The following SNTG1 variants were observed in gnomAD, a reference collection of about 807,000 sequenced individuals.
The protein encoded by SNTG1 is gamma-1-syntrophin.
Under a neutral mutation model 74.7 loss-of-function variants are expected in SNTG1, and 39 were observed. The observed-to-expected ratio is 0.52, with a 90% CI of 0.40 to 0.68. The LOEUF (loss-of-function observed/expected upper bound fraction) is 0.68. Among genes scored for constraint, SNTG1 ranks in the 30% least tolerant of loss-of-function variants. The pLI is 0.00. For missense variants in SNTG1, 685 were observed against 609.5 expected, an observed-to-expected ratio of 1.12 and a Z score of -1.30; for synonymous variants, 254 against 217.1, an observed-to-expected ratio of 1.17 and a Z score of -1.49.
At chr8:50,379,342 C>T (rs972110492) in intron 2 of SNTG1, among the ~76,000 whole-genome samples, 1 of 152,130 alleles carries the variant, frequency 6.6e-6, no homozygotes, top group Admixed American at 6.5e-5. Flanking sequence ...CCTTCATGGG[C>T]CCCCAGAGAT....
chr8:50,480,568 T>C (rs142886825), intron 8 of SNTG1, among the ~76,000 whole-genome samples: 3 of 152,306 alleles, frequency 2.0e-5, no homozygotes, highest in South Asian at 2.1e-4. Flanking sequence ...TAACTAGTGC[T>C]GAAATAATTA....
intron 2 of SNTG1, among the ~76,000 whole-genome samples, chr8:50,391,233 G>T (rs569256328): frequency 6.6e-6 from 1 of 152,098 alleles, no homozygotes; most frequent in South Asian, 2.1e-4. Flanking sequence ...TTATTATTTT[G>T]AGATATGTCC....
Position 50,792,813 on chromosome 8 carries a change from C to T in SNTG1, c.1538C>T (p.Ala513Val). ...TAASSATTSK[A>V]KYTT ...GCCAGCTCTGCTACCACGAGCAAAGCAAAGTATACAACTTGACATACTGAA... is the reference window on the plus strand; with the variant it reads ...GCCAGCTCTGCTACCACGAGCAAAGTAAAGTATACAACTTGACATACTGAA... Residue 513 changes from alanine (A) to valine (V), a missense_variant, in exon 19 of 19, where the codon GCA becomes GTA. Physicochemically the swap from Ala to Val is moderately conservative, Grantham distance 64. Transcript: ENST00000642720. The T allele has an allele frequency of 6.2e-7, 1 of 1,611,838 alleles. No individual in the cohort carries two copies.
At chr8:50,295,143 C>A (rs2089303811) in intron 2 of SNTG1, among the ~76,000 whole-genome samples, 2 of 152,100 alleles carry the variant, frequency 1.3e-5, no homozygotes, top group African/African-American at 4.8e-5. Flanking sequence ...AGGGAAGAAA[C>A]AAAGAAATTA....
intron 18 of SNTG1, among the ~76,000 whole-genome samples, chr8:50,782,655 C>T (rs182185510): frequency 0.08 from 12,097 of 152,124 alleles, 532 homozygotes; most frequent in Non-Finnish European, 0.098. Context: ...TTTGAATTTC[C>T]TCCTTTAGCT....
intron 1 of SNTG1, among the ~76,000 whole-genome samples, chr8:50,165,802 T>A (rs1407716354): frequency 6.6e-6 from 1 of 152,162 alleles, no homozygotes; most frequent in Non-Finnish European, 1.5e-5. Context: ...TAGTTGAACC[T>A]AAAGTCGCAT....
chr8:50,455,846 C>T (rs2093500163), intron 8 of SNTG1, among the ~76,000 whole-genome samples: 1 of 152,262 alleles, frequency 6.6e-6, no homozygotes, highest in Admixed American at 6.5e-5. Flanking sequence ...TACCTAACTG[C>T]TAACGATTAC....
At chr8:50,041,822 G>A (rs1818667553) in intron 1 of SNTG1, among the ~76,000 whole-genome samples, 3 of 152,124 alleles carry the variant, frequency 2.0e-5, no homozygotes, top group Admixed American at 6.6e-5. Context: ...TTGTTCAAGA[G>A]CAAAGGAAAA....
At position 50,125,052 on chromosome 8, in the gene SNTG1, A is replaced by G. The variant is rs1305763078; in HGVS notation, c.-102-47509A>G. On this transcript the variant is annotated intron_variant, in intron 1 of 18. Transcript: ENST00000642720. ...TGAAAGCACTGAGATTTCTGCCATC[A>G]CTATACAAGAGTCCAGCTGCTGATT... Among the ~76,000 whole-genome samples the G allele has an allele frequency of 1.4e-5, 2 of 142,046 alleles. 1 individual carries two copies. The allele number at this position is 142,046 out of a possible 152,430, so 93.2% of individuals were successfully genotyped here. A position where few individuals can be genotyped will look rare whatever the true frequency, so the allele number is the denominator to read the frequency against.
chr8:50,615,235 C>T (rs546912748), intron 13 of SNTG1, among the ~76,000 whole-genome samples: 8 of 152,092 alleles, frequency 5.3e-5, no homozygotes, highest in South Asian at 2.1e-4. Flanking sequence ...GCTGGGATTA[C>T]AGGCATGAGC....
At chr8:50,197,967 T>G (rs1296056664) in intron 2 of SNTG1, among the ~76,000 whole-genome samples, 2 of 152,214 alleles carry the variant, frequency 1.3e-5, no homozygotes, top group African/African-American at 4.8e-5. Context: ...CAATTGTCAC[T>G]TATAAATTGA....
chr8:50,512,012 G>A (rs185267308), intron 9 of SNTG1, among the ~76,000 whole-genome samples: 7 of 151,986 alleles, frequency 4.6e-5, no homozygotes, highest in Non-Finnish European at 8.8e-5. Flanking sequence ...TCCTAGCCTC[G>A]ATGGTCTTTA....
chr8:50,226,756 T>C (rs2085349464), intron 2 of SNTG1, among the ~76,000 whole-genome samples: 1 of 152,186 alleles, frequency 6.6e-6, no homozygotes, highest in South Asian at 2.1e-4. Context: ...CTCTGAAATA[T>C]ATGAAACCAA....
At chr8:49,981,752 TCCTC>T (rs1812698650) in intron 1 of SNTG1, among the ~76,000 whole-genome samples, 1 of 152,042 alleles carries the variant, frequency 6.6e-6, no homozygotes, top group South Asian at 2.1e-4. Context: ...ATTTTCCTGT[TCCTC>T]CCCAAAGGCA....
chr8:50,043,451 A>C (rs149443206), intron 1 of SNTG1, among the ~76,000 whole-genome samples: 1 of 152,352 alleles, frequency 6.6e-6, no homozygotes, highest in African/African-American at 2.4e-5. Context: ...AACCATTTAC[A>C]TGACCTTTCA....
intron 1 of SNTG1, among the ~76,000 whole-genome samples, chr8:49,941,727 A>C (rs1334467957): frequency 1.3e-5 from 2 of 151,970 alleles, no homozygotes; most frequent in Non-Finnish European, 2.9e-5. Context: ...AGATGTCCTG[A>C]ACTCTGGGAT....
At chr8:50,537,414 G>T (rs902929148) in intron 11 of SNTG1, among the ~76,000 whole-genome samples, 2 of 152,066 alleles carry the variant, frequency 1.3e-5, no homozygotes, top group Admixed American at 1.3e-4. Flanking sequence ...TAAATTATAA[G>T]ATTTATTTTC....
chr8:50,789,694 A>G (rs2095685793), intron 18 of SNTG1, among the ~76,000 whole-genome samples: 1 of 151,968 alleles, frequency 6.6e-6, no homozygotes, highest in Non-Finnish European at 1.5e-5. Flanking sequence ...CTTTCCATAT[A>G]GAAAACTTTG....
intron 2 of SNTG1, among the ~76,000 whole-genome samples, chr8:50,218,886 A>G (rs908893409): frequency 2.0e-5 from 3 of 152,230 alleles, no homozygotes; most frequent in African/African-American, 7.2e-5. Flanking sequence ...CAGGCACTGA[A>G]GCCACAGAGC....
Sources: gnomAD v4.1 joint callset for allele counts (sites outside exome capture counted in the v4.1 genomes callset) on GRCh38, gnomAD v4.1.1 for gene constraint, MANE v1.5 for transcripts, NCBI Gene and HGNC (gene_info 2026-07-23, HGNC 2026-07-21) for gene names.